The following GAS2L3 variants were observed in gnomAD, a reference collection of about 807,000 sequenced individuals.
The protein encoded by GAS2L3 is GAS2-like protein 3.
GAS2L3 carries 28 observed loss-of-function variants against 37.0 expected under a neutral mutation model. That is an observed-to-expected ratio of 0.76 (90% CI 0.56 to 1.04). GAS2L3 has a LOEUF of 1.04. Among genes scored for constraint, GAS2L3 ranks in the 50% least tolerant of loss-of-function variants. The pLI is 0.00. For missense variants in GAS2L3, 793 were observed against 817.6 expected (o/e 0.97, Z 0.37); for synonymous variants, 290 against 296.6 (o/e 0.98, Z 0.23).
intron 4 of GAS2L3, 38 bp from the exon 5 acceptor site, chr12:100,601,600 G>A (rs78252345): frequency 0.021 from 18,981 of 913,878 alleles, 281 homozygotes; most frequent in Non-Finnish European, 0.028. Flanking sequence ...TTGTTTTTAT[G>A]TTTCTAGAAG....
At chr12:100,622,708 G>A (rs11110441) in intron 9 of GAS2L3, among the ~76,000 whole-genome samples, 10,254 of 49,172 alleles carry the variant, frequency 0.21, 531 homozygotes, top group East Asian at 0.37. Flanking sequence ...TCCATCATAA[G>A]AAGAAAAACC....
chr12:100,593,693 CG>C (rs1405624718), intron 2 of GAS2L3: 4 of 152,012 alleles, frequency 2.6e-5, no homozygotes, highest in Non-Finnish European at 5.9e-5. Context: ...TTCTTACTTC[CG>C]AGAAGTGGAT....
At chr12:100,597,843 C>T (rs1024192967) in intron 3 of GAS2L3, among the ~76,000 whole-genome samples, 7 of 151,992 alleles carry the variant, frequency 4.6e-5, no homozygotes, top group African/African-American at 1.7e-4. Flanking sequence ...AGACTTGCCT[C>T]AAATTAACCT....
chr12:100,598,069 T>A (rs557800712), intron 3 of GAS2L3, among the ~76,000 whole-genome samples: 2 of 152,256 alleles, frequency 1.3e-5, no homozygotes, highest in African/African-American at 4.8e-5. Context: ...GCGACTCTAA[T>A]GCACTATTAC....
In GAS2L3 at chr12:100,624,737, G is replaced by T; in HGVS notation, c.1932G>T (p.Gly644=). ...CTAAGAGCCAGCATTCAACTAAAGG[G>T]CCTCCCAGAAGTGGCAAAACCCCAG... The part of the protein sequence containing the change: ...TVAKSQHSTK[G]PPRSGKTPAS... The change falls in exon 10 of 10, where the codon GGG becomes GGT. Residue 644 remains glycine, a synonymous_variant. Transcript: ENST00000547754. 6.2e-7 allele frequency: 1 copy of T among 1,613,916 alleles called. No homozygotes were observed. The highest frequency in any genetic ancestry group is 8.5e-7 in the Non-Finnish European group (1 of 1,180,006).
intron 9 of GAS2L3, among the ~76,000 whole-genome samples, chr12:100,622,717 C>T (rs896335423): frequency 8.1e-5 from 2 of 24,754 alleles, no homozygotes; most frequent in African/African-American, 2.5e-4. Context: ...AGAAGAAAAA[C>T]CAAAACATCT....
chr12:100,588,059 T>A (rs1955802494), intron 1 of GAS2L3, among the ~76,000 whole-genome samples: 1 of 151,274 alleles, frequency 6.6e-6, no homozygotes, highest in Non-Finnish European at 1.5e-5. Flanking sequence ...CTCAAAAAAA[T>A]AAAATAAAAT....
chr12:100,602,771 A>T (rs1197462856), intron 5 of GAS2L3, among the ~76,000 whole-genome samples: 3 of 151,996 alleles, frequency 2.0e-5, no homozygotes, highest in Non-Finnish European at 2.9e-5. Context: ...TTGCACCCTT[A>T]ACCATCTCCA....
At chr12:100,584,868 G>A (rs1009936426) in intron 1 of GAS2L3, among the ~76,000 whole-genome samples, 1 of 148,224 alleles carries the variant, frequency 6.7e-6, no homozygotes, top group East Asian at 2.0e-4. Flanking sequence ...ACTGTGCTTG[G>A]GCCCTACTTG....
intron 1 of GAS2L3, among the ~76,000 whole-genome samples, chr12:100,574,356 G>A (rs1366852962): frequency 1.3e-5 from 2 of 152,172 alleles, no homozygotes; most frequent in East Asian, 3.8e-4. Flanking sequence ...GTCCATGCAG[G>A]GTCTAGAACG....
chr12:100,595,274 A>C (rs768413102), intron 3 of GAS2L3, among the ~76,000 whole-genome samples: 33 of 151,944 alleles, frequency 2.2e-4, no homozygotes, highest in Non-Finnish European at 4.7e-4. Flanking sequence ...ATTACAATTT[A>C]GTATGTATTT....
In GAS2L3 at chr12:100,591,787, G is replaced by A. The variant is rs1269267788; in HGVS notation, c.-100G>A. 4.6e-5 allele frequency: 7 copies of A among 152,084 alleles called. No individual in the cohort carries two copies. The highest frequency in any genetic ancestry group is 4.6e-4 in the Admixed American group (7 of 15,262). The allele number at this position is 152,084 out of a possible 1,614,324, so 9.4% of individuals were successfully genotyped here. A position where few individuals can be genotyped will look rare whatever the true frequency, so the allele number is the denominator to read the frequency against. On this transcript the variant is annotated 5_prime_UTR_variant, in exon 2 of 10. Transcript: ENST00000547754. Reference sequence around the variant, plus strand: ...TAACTACTCCAAAGTCATATAGCCAGTATTTTCTGGAGCTGTAATTCAAAT... The same window carrying A: ...TAACTACTCCAAAGTCATATAGCCAATATTTTCTGGAGCTGTAATTCAAAT...
At chr12:100,584,469 A>G (rs1166430239) in intron 1 of GAS2L3, among the ~76,000 whole-genome samples, 1 of 152,016 alleles carries the variant, frequency 6.6e-6, no homozygotes, top group African/African-American at 2.4e-5. Context: ...ATTCTTTCCA[A>G]TGGCTTTAAC....
At chr12:100,619,572 C>T (rs1303942542) in intron 8 of GAS2L3, among the ~76,000 whole-genome samples, 1 of 151,912 alleles carries the variant, frequency 6.6e-6, no homozygotes, top group Non-Finnish European at 1.5e-5. Context: ...AAGAACATGT[C>T]AGAATGAATA....
chr12:100,611,814 C>T (rs542182798), intron 5 of GAS2L3, among the ~76,000 whole-genome samples, 186 bp from the exon 6 acceptor site: 1 of 152,216 alleles, frequency 6.6e-6, no homozygotes, highest in South Asian at 2.1e-4. Flanking sequence ...CAGTCTGTGG[C>T]CCAGGGGTTG....
intron 9 of GAS2L3, 56 bp from the exon 10 acceptor site, chr12:100,623,506 G>GT: frequency 6.7e-7 from 1 of 1,483,020 alleles, no homozygotes; most frequent in Admixed American, 2.3e-5. Flanking sequence ...CTAATGAATT[G>GT]TAACTATAAA....
At chr12:100,592,748 C>T (rs955247161) in intron 2 of GAS2L3, among the ~76,000 whole-genome samples, 17 of 152,052 alleles carry the variant, frequency 1.1e-4, no homozygotes, top group African/African-American at 3.9e-4. Flanking sequence ...AGATTCCCAA[C>T]AGGTTTAGAG....
In GAS2L3 at chr12:100,625,937, G is replaced by A. The variant is rs973381869; in HGVS notation, c.*1047G>A. 2 of 152,054 alleles carry A rather than the reference G, an allele frequency of 1.3e-5. No individual in the cohort carries two copies. Among genetic ancestry groups the A allele is most frequent in the African/African-American group, 4.8e-5 (2 of 41,412 alleles). The allele number at this position is 152,054 out of a possible 1,614,324, so 9.4% of individuals were successfully genotyped here. A position where few individuals can be genotyped will look rare whatever the true frequency, so the allele number is the denominator to read the frequency against. ...TACTTTTCTTTAATAAAGTTATGCT[G>A]CCTTCAGTTTTCCAATGGCAAGTAG... On this transcript the variant is annotated 3_prime_UTR_variant, in exon 10 of 10. Transcript: ENST00000547754.
chr12:100,610,678 G>C (rs895432134), intron 5 of GAS2L3, among the ~76,000 whole-genome samples: 1 of 152,144 alleles, frequency 6.6e-6, no homozygotes, highest in Non-Finnish European at 1.5e-5. Context: ...GGGTAGGTGA[G>C]AGAAAGACTT....
Sources: gnomAD v4.1 joint callset for allele counts (sites outside exome capture counted in the v4.1 genomes callset) on GRCh38, gnomAD v4.1.1 for gene constraint, MANE v1.5 for transcripts, NCBI Gene and HGNC (gene_info 2026-07-23, HGNC 2026-07-21) for gene names.